Variants in DOCK8 observed in about 807,000 individuals in gnomAD.
DOCK8 encodes the protein dedicator of cytokinesis 8, also known as dedicator of cytokinesis protein 8.
Under a neutral mutation model 245.6 loss-of-function variants are expected in DOCK8, and 141 were observed. The ratio of observed to expected loss-of-function variants is 0.57; its 90% CI spans 0.50 to 0.66. The LOEUF is 0.66. Ranked by LOEUF, DOCK8 falls within the 30% of genes least tolerant of loss-of-function variation. DOCK8 has a pLI of 0.00. For synonymous variants in DOCK8, 1,168 were observed against 970.2 expected, an observed-to-expected ratio of 1.20 and a Z score of -3.79; for missense variants, 2,965 against 2,603.4, an observed-to-expected ratio of 1.14 and a Z score of -3.02.
intron 39 of DOCK8, among the ~76,000 whole-genome samples, chr9:437,405 G>A (rs1269044544): frequency 6.6e-6 from 1 of 152,196 alleles, no homozygotes; most frequent in Non-Finnish European, 1.5e-5. Context: ...AAGCCTCAGT[G>A]CATCTTACTG....
chr9:283,930 T>C (rs906201836), intron 2 of DOCK8, among the ~76,000 whole-genome samples: 1 of 152,184 alleles, frequency 6.6e-6, no homozygotes, highest in Non-Finnish European at 1.5e-5. Flanking sequence ...AAACACCAAT[T>C]GAACTCAATT....
At chr9:411,914 C>T (rs2055749648) in intron 28 of DOCK8, among the ~76,000 whole-genome samples, 1 of 152,136 alleles carries the variant, frequency 6.6e-6, no homozygotes, top group South Asian at 2.1e-4. Flanking sequence ...CTCAACAAAC[C>T]TTTTAGGAAA....
chr9:407,106 A>T, intron 28 of DOCK8, 37 bp downstream of exon 28: 1 of 1,613,836 alleles, frequency 6.2e-7, no homozygotes, highest in Non-Finnish European at 8.5e-7. Flanking sequence ...GATGAAGCCA[A>T]AAAAACAGAT....
rs77193342 is a variant in DOCK8 at position 429,617 on chromosome 9, C to G, written c.4474-85C>G. ...AACTCTTCTAGGCTTTTTGCTTGTCCAAATGGACATTTGCATATTTCAACG... is the reference window on the plus strand; with the variant it reads ...AACTCTTCTAGGCTTTTTGCTTGTCGAAATGGACATTTGCATATTTCAACG... On this transcript the variant is annotated intron_variant, in intron 35 of 47. Coordinates refer to ENST00000432829, the MANE Select transcript of DOCK8 (RefSeq NM_203447.4). 7 of 1,539,264 alleles carry G rather than the reference C, an allele frequency of 4.5e-6. No homozygotes were observed. In the African/African-American group the frequency reaches 6.8e-5, roughly 15 times the overall value.
At chr9:324,654 C>A (rs2050675234) in intron 7 of DOCK8, among the ~76,000 whole-genome samples, 1 of 152,158 alleles carries the variant, frequency 6.6e-6, no homozygotes, top group Non-Finnish European at 1.5e-5. Flanking sequence ...GACCTCAACT[C>A]AGCAACTCCC....
intron 28 of DOCK8, among the ~76,000 whole-genome samples, chr9:407,355 G>A (rs2055483122): frequency 6.6e-6 from 1 of 152,184 alleles, no homozygotes; most frequent in Non-Finnish European, 1.5e-5. Flanking sequence ...GGTTTCCCAA[G>A]GATGCTTTGA....
chr9:403,922 ATATATATGTG>A (rs1206353028), intron 26 of DOCK8, among the ~76,000 whole-genome samples: 35 of 79,448 alleles, frequency 4.4e-4, no homozygotes, highest in African/African-American at 2.5e-3. Flanking sequence ...ATATACATAT[ATATATATGTG>A]TATATATATA....
chr9:261,563 A>G (rs2047918877), intron 1 of DOCK8, among the ~76,000 whole-genome samples: 1 of 152,204 alleles, frequency 6.6e-6, no homozygotes, highest in Non-Finnish European at 1.5e-5. Context: ...AATGTGTGCA[A>G]GAAGAATGTG....
intron 14 of DOCK8, among the ~76,000 whole-genome samples, chr9:351,115 G>A (rs7031262): frequency 0.026 from 4,020 of 152,246 alleles, 185 homozygotes; most frequent in African/African-American, 0.092. Flanking sequence ...TAATTTCTCT[G>A]GCTTCCTGAT....
At chr9:357,677 G>A (rs1201194179) in intron 14 of DOCK8, among the ~76,000 whole-genome samples, 5 of 152,148 alleles carry the variant, frequency 3.3e-5, no homozygotes, top group African/African-American at 1.2e-4. Flanking sequence ...GCGTTTATGT[G>A]AAATATTGCA....
rs1310119190 is a variant in DOCK8, at chr9:414,865, C to G, written c.3614C>G (p.Pro1205Arg). Residue 1205 changes from proline (P) to arginine (R), a missense_variant, in exon 29 of 48, where the codon CCA becomes CGA. Pro to Arg is a moderately radical substitution (Grantham distance 103). Around this residue, in one of 3 missense-constraint regions of DOCK8, gnomAD observed 2,825 missense variants for 2,453.5 expected, o/e 1.15. Coordinates refer to ENST00000432829, the MANE Select transcript of DOCK8 (RefSeq NM_203447.4). ...GACCTGGACCCACGCTGTGTCAAACCAGAGGTGAAGGTCAAAATCGCCGCC... is the reference window on the plus strand; with the variant it reads ...GACCTGGACCCACGCTGTGTCAAACGAGAGGTGAAGGTCAAAATCGCCGCC... ...SHDLDPRCVK[P>R]EVKVKIAALY... is the part of the protein sequence containing the mutation. 8 of 1,614,084 alleles carry G rather than the reference C, an allele frequency of 5.0e-6. No homozygotes were observed. Among genetic ancestry groups the G allele is most frequent in the Non-Finnish European group, 5.9e-6 (7 of 1,180,042 alleles).
At chr9:238,911 C>G (rs2047320863) in intron 1 of DOCK8, among the ~76,000 whole-genome samples, 1 of 152,122 alleles carries the variant, frequency 6.6e-6, no homozygotes. Flanking sequence ...GGAACCCACC[C>G]TGGCCAGGAC....
At chr9:414,001 G>A (rs867375551) in intron 28 of DOCK8, among the ~76,000 whole-genome samples, 1 of 152,154 alleles carries the variant, frequency 6.6e-6, no homozygotes, top group African/African-American at 2.4e-5. Flanking sequence ...AATTAGCCAG[G>A]TGTGGTGGCA....
chr9:422,509 T>C (rs995909476), intron 33 of DOCK8, among the ~76,000 whole-genome samples: 11 of 152,336 alleles, frequency 7.2e-5, no homozygotes, highest in Middle Eastern at 3.4e-3. Context: ...GTACAAGATA[T>C]ACATTCAGAT....
At chr9:420,669 A>T in intron 31 of DOCK8, 86 bp downstream of exon 31, 1 of 1,530,068 alleles carries the variant, frequency 6.5e-7, no homozygotes, top group South Asian at 1.1e-5. Context: ...TGTTTGGGCC[A>T]TGGAGGCATC....
rs556896192 is a variant in DOCK8, at chr9:439,834, G to C, written c.5223+446G>C. On this transcript the variant is annotated intron_variant, in intron 40 of 47. Transcript: ENST00000432829. ...TACACAGACAGTGTCTTCCCTCCTA[G>C]CCACTGTGCAGTCTGAAGGACCATC... is the stretch of plus-strand genomic sequence containing the variant. Among the ~76,000 whole-genome samples, 4 of 152,178 alleles carry C rather than the reference G, an allele frequency of 2.6e-5. No homozygotes were observed. In the South Asian group the frequency reaches 8.3e-4, roughly 32 times the overall value.
chr9:246,476 C>T (rs1249356060), intron 1 of DOCK8, among the ~76,000 whole-genome samples: 1 of 152,098 alleles, frequency 6.6e-6, no homozygotes, highest in Non-Finnish European at 1.5e-5. Context: ...GATCGCACCA[C>T]TGCACTCCAG....
intron 11 of DOCK8, among the ~76,000 whole-genome samples, chr9:335,455 G>A (rs940117940): frequency 1.3e-5 from 2 of 152,138 alleles, no homozygotes; most frequent in Non-Finnish European, 2.9e-5. Context: ...GGGAAGTGGA[G>A]GAAAGGGCAT....
chr9:319,697 G>A (rs2050502011), intron 7 of DOCK8, among the ~76,000 whole-genome samples: 1 of 151,736 alleles, frequency 6.6e-6, no homozygotes, highest in Non-Finnish European at 1.5e-5. Context: ...ATCTGTAACT[G>A]TCTCTGTATT....
Sources: gnomAD v4.1 joint callset for allele counts (sites outside exome capture counted in the v4.1 genomes callset) on GRCh38, gnomAD v4.1.1 for gene constraint, gnomAD v4.1.1 regional missense constraint, MANE v1.5 for transcripts, NCBI Gene and HGNC (gene_info 2026-07-23, HGNC 2026-07-21) for gene names.